Variants in IL31RA observed in about 807,000 individuals in gnomAD.
IL31RA encodes interleukin-31 receptor subunit alpha.
IL31RA carries 66 observed loss-of-function variants against 83.7 expected under a neutral mutation model. The observed-to-expected ratio is 0.79, with a 90% CI of 0.65 to 0.97. The LOEUF is 0.97. Ranked by LOEUF, IL31RA falls within the 50% of genes least tolerant of loss-of-function variation. The pLI is 0.00. For missense variants in IL31RA, 798 were observed against 919.4 expected (o/e 0.87, Z 1.71); for synonymous variants, 325 against 329.0 (o/e 0.99, Z 0.13).
chr5:55,841,995 G>A, the IL31RA span, among the ~76,000 whole-genome samples: 5 of 151,878 alleles, frequency 3.3e-5, no homozygotes, highest in Non-Finnish European at 5.9e-5. Flanking sequence ...GCCCAAGCTG[G>A]TGTTGAACTC....
At position 55,913,466 on chromosome 5, in the gene IL31RA, G is replaced by C. The variant is rs1282159329; in HGVS notation, c.1643-11G>C. 2 of 1,588,768 alleles carry C rather than the reference G, an allele frequency of 1.3e-6. No individual in the cohort carries two copies. The highest frequency in any genetic ancestry group is 2.7e-5 in the African/African-American group (2 of 74,384). On this transcript the variant is annotated splice_polypyrimidine_tract_variant and intron_variant, in intron 12 of 14. Transcript: ENST00000652347. Reference sequence around the variant, plus strand: ...AACTCACTACTGACTTTTGTTCTTTGTTTTTCAAAGGTGTCTTTGAGATTA... The same window carrying C: ...AACTCACTACTGACTTTTGTTCTTTCTTTTTCAAAGGTGTCTTTGAGATTA...
intron 4 of IL31RA, among the ~76,000 whole-genome samples, chr5:55,881,779 G>A (rs889567112): frequency 1.7e-4 from 24 of 140,898 alleles, no homozygotes; most frequent in African/African-American, 6.4e-4. Flanking sequence ...CCAGGCTGGA[G>A]TGTGGTGGTG....
the IL31RA span, chr5:55,839,833 ATT>A: frequency 1.3e-6 from 1 of 756,168 alleles, no homozygotes; most frequent in Non-Finnish European, 2.5e-6. Flanking sequence ...ATTTGACTTC[ATT>A]TTCTGATTCA....
chr5:55,896,985 TA>T (rs1317185291), intron 7 of IL31RA, among the ~76,000 whole-genome samples: 3 of 1,140 alleles, frequency 2.6e-3, no homozygotes, highest in Middle Eastern at 0.25. Flanking sequence ...CCCAGCTAAT[TA>T]AAAAAAAAAA....
At chr5:55,859,402 T>C (rs1161155475) in intron 1 of IL31RA, 107 bp from the exon 2 acceptor site, 1 of 799,204 alleles carries the variant, frequency 1.3e-6, no homozygotes, top group Non-Finnish European at 2.2e-6. Flanking sequence ...TAAAATAAAA[T>C]AGGATCCTTC....
intron 4 of IL31RA, among the ~76,000 whole-genome samples, chr5:55,880,999 A>G (rs1747177096): frequency 1.3e-5 from 2 of 152,148 alleles, no homozygotes; most frequent in Non-Finnish European, 2.9e-5. Context: ...GCAGGAGTGG[A>G]AGTTTATTAA....
intron 10 of IL31RA, 129 bp downstream of exon 10, chr5:55,907,589 A>G (rs1035338258): frequency 7.0e-6 from 5 of 715,204 alleles, no homozygotes; most frequent in Non-Finnish European, 1.3e-5. Flanking sequence ...TCTTGTAGTG[A>G]GCTCTGTATG....
chr5:55,854,676 C>T (rs560753699), intron 1 of IL31RA, among the ~76,000 whole-genome samples: 6 of 149,672 alleles, frequency 4.0e-5, no homozygotes, highest in Non-Finnish European at 7.4e-5. Flanking sequence ...ACCCGCGAGG[C>T]AGAGGTTGCA....
In IL31RA at chr5:55,890,108, G is replaced by T. The variant is rs1747893551; in HGVS notation, c.745G>T (p.Glu249Ter). The T allele has an allele frequency of 6.2e-7, 1 of 1,613,770 alleles. No homozygotes were observed. The highest frequency in any genetic ancestry group is 1.3e-5 in the African/African-American group (1 of 74,886). ...AAAGTTCTGGAGTGACTGGAGCCAA[G>T]AAAAAATGGGAATGACTGAGGAAGA... Reference protein sequence around the residue: ...ESKFWSDWSQEKMGMTEEEAP... With the variant: ...ESKFWSDWSQ The change falls in exon 6 of 15, where the codon GAA (glutamate) becomes TAA (stop). Residue 249 changes from glutamate (E) to a stop codon, truncating the protein, a stop_gained. Coordinates refer to ENST00000652347, the MANE Select transcript of IL31RA (RefSeq NM_139017.7). LOFTEE classifies it high-confidence loss of function.
At chr5:55,868,032 A>G (rs1406229312) in intron 2 of IL31RA, among the ~76,000 whole-genome samples, 3 of 152,242 alleles carry the variant, frequency 2.0e-5, no homozygotes, top group African/African-American at 7.2e-5. Context: ...TAATATGAAA[A>G]TATTTGTGAT....
chr5:55,916,516 C>A, intron 14 of IL31RA, 128 bp from the exon 15 acceptor site: 2 of 801,642 alleles, frequency 2.5e-6, no homozygotes, highest in Admixed American at 1.7e-5. Context: ...GCTACCACTT[C>A]TGGGCCTGGG....
At chr5:55,900,726 A>G (rs1748759724) in intron 8 of IL31RA, among the ~76,000 whole-genome samples, 1 of 152,252 alleles carries the variant, frequency 6.6e-6, no homozygotes, top group Admixed American at 6.5e-5. Flanking sequence ...CTTTCATTCA[A>G]AGAATTGCAG....
At position 55,921,606 on chromosome 5, in the gene IL31RA, A is replaced by T. The variant is rs1750092225; in HGVS notation, c.*4486A>T. Among the ~76,000 whole-genome samples, 1 of 152,254 alleles carries T rather than the reference A, an allele frequency of 6.6e-6. No individual in the cohort carries two copies. The highest frequency in any genetic ancestry group is 2.1e-4 in the South Asian group (1 of 4,832). ...ATGCTGATTTACAGTATCACCAGACATGTCTGACGGATCCTTTGTCCTTTT... is the reference window on the plus strand; with the variant it reads ...ATGCTGATTTACAGTATCACCAGACTTGTCTGACGGATCCTTTGTCCTTTT... On this transcript the variant is annotated 3_prime_UTR_variant, in exon 15 of 15. Transcript: ENST00000652347.
chr5:55,914,523 TAA>T (rs1749675431), intron 13 of IL31RA, among the ~76,000 whole-genome samples: 1 of 152,180 alleles, frequency 6.6e-6, no homozygotes, highest in South Asian at 2.1e-4. Context: ...TCCCAGAGGA[TAA>T]GCCTCAAAGG....
intron 5 of IL31RA, among the ~76,000 whole-genome samples, chr5:55,887,585 C>A (rs963456030): frequency 6.6e-6 from 1 of 151,174 alleles, no homozygotes; most frequent in African/African-American, 2.4e-5. Context: ...ACGAAAAATA[C>A]AAAAAAATTA....
intron 4 of IL31RA, among the ~76,000 whole-genome samples, chr5:55,882,645 A>G (rs1293569435): frequency 2.0e-5 from 3 of 152,214 alleles, no homozygotes; most frequent in African/African-American, 7.2e-5. Context: ...AAGGAAAATG[A>G]GAGTTATTTT....
chr5:55,886,268 C>CTTTTTTTTTTTTTTTTTTTT (rs35481013), intron 5 of IL31RA, among the ~76,000 whole-genome samples: 1 of 71,510 alleles, frequency 1.4e-5, no homozygotes, highest in African/African-American at 7.3e-5. Flanking sequence ...TGCTTGCTTG[C>CTTTTTTTTTTTTTTTTTTTT]TTTTTTTTTT....
intron 4 of IL31RA, among the ~76,000 whole-genome samples, chr5:55,873,707 A>G (rs902172269): frequency 6.6e-6 from 1 of 152,064 alleles, no homozygotes; most frequent in Non-Finnish European, 1.5e-5. Context: ...TCTTCTCTGG[A>G]GAAATGCTTA....
At chr5:55,863,464 C>G (rs945975119) in intron 2 of IL31RA, among the ~76,000 whole-genome samples, 12 of 152,216 alleles carry the variant, frequency 7.9e-5, no homozygotes, top group African/African-American at 1.2e-4. Flanking sequence ...ATGTCAGCAT[C>G]CGTTTTCAAG....
Sources: gnomAD v4.1 joint callset for allele counts (sites outside exome capture counted in the v4.1 genomes callset) on GRCh38, gnomAD v4.1.1 for gene constraint, MANE v1.5 for transcripts, NCBI Gene and HGNC (gene_info 2026-07-23, HGNC 2026-07-21) for gene names.